The following USH2A variants were observed in gnomAD, a reference collection of about 807,000 sequenced individuals.
USH2A encodes the protein usherin.
In USH2A, 443 loss-of-function variants were observed where a neutral mutation model predicts 538.9. The observed-to-expected ratio is 0.82, with a 90% CI of 0.76 to 0.89. The LOEUF is 0.89. Among genes scored for constraint, USH2A ranks in the 40% least tolerant of loss-of-function variants. The probability of loss-of-function intolerance (pLI) is 0.00; values close to 1 mark genes in which losing one functional copy is unlikely to be tolerated. For synonymous variants in USH2A, 2,413 were observed against 2,273.5 expected (o/e 1.06, Z -1.75); for missense variants, 6,633 against 6,324.8 (o/e 1.05, Z -1.65).
At chr1:215,847,189 G>A (rs975149876) in intron 44 of USH2A, among the ~76,000 whole-genome samples, 1 of 152,038 alleles carries the variant, frequency 6.6e-6, no homozygotes, top group Non-Finnish European at 1.5e-5. Context: ...TCTTTAACAA[G>A]AGAACATGAA....
intron 21 of USH2A, among the ~76,000 whole-genome samples, chr1:216,167,952 A>G (rs2034203303): frequency 6.6e-6 from 1 of 152,158 alleles, no homozygotes; most frequent in Non-Finnish European, 1.5e-5. Flanking sequence ...TGGCATTTTG[A>G]CAATGATGTT....
At chr1:216,069,743 C>T (rs1438864853) in intron 30 of USH2A, among the ~76,000 whole-genome samples, 2 of 152,140 alleles carry the variant, frequency 1.3e-5, no homozygotes, top group African/African-American at 4.8e-5. Context: ...TGAACTGGGG[C>T]TAGTCCCAAA....
chr1:215,750,328 T>C (rs968837145), intron 58 of USH2A, among the ~76,000 whole-genome samples: 2 of 152,162 alleles, frequency 1.3e-5, no homozygotes, highest in African/African-American at 2.4e-5. Flanking sequence ...ATGTCTTTTC[T>C]ACCTTACTAG....
intron 47 of USH2A, among the ~76,000 whole-genome samples, chr1:215,828,882 A>G (rs1571725849): frequency 1.3e-5 from 2 of 152,292 alleles, no homozygotes; most frequent in Admixed American, 6.5e-5. Context: ...ACTTCATAGC[A>G]CAGTACCTAG....
chr1:215,638,716 T>C (rs946644690), intron 69 of USH2A, among the ~76,000 whole-genome samples: 17 of 151,150 alleles, frequency 1.1e-4, no homozygotes, highest in Non-Finnish European at 1.9e-4. Context: ...CAGTGGCTCA[T>C]GCCTGTAATC....
chr1:215,667,564 G>A (rs1657669263), intron 64 of USH2A, among the ~76,000 whole-genome samples: 1 of 152,046 alleles, frequency 6.6e-6, no homozygotes, highest in South Asian at 2.1e-4. Flanking sequence ...GCCACGCATG[G>A]TGGCGGGCGC....
chr1:216,191,935 G>A (rs540369720), intron 19 of USH2A, among the ~76,000 whole-genome samples: 1 of 152,038 alleles, frequency 6.6e-6, no homozygotes, highest in African/African-American at 2.4e-5. Context: ...CTTCTTTACA[G>A]ATGATTATTA....
intron 21 of USH2A, among the ~76,000 whole-genome samples, chr1:216,126,245 A>G (rs908156292): frequency 6.6e-6 from 1 of 151,548 alleles, no homozygotes; most frequent in Admixed American, 6.6e-5. Flanking sequence ...TTTTTTTGAG[A>G]TGAGGTCTTG....
intron 62 of USH2A, among the ~76,000 whole-genome samples, chr1:215,676,862 A>G (rs1373084432): frequency 6.6e-6 from 1 of 152,104 alleles, no homozygotes; most frequent in African/African-American, 2.4e-5. Context: ...CTCTATACTC[A>G]AGCTCTGAAA....
chr1:216,095,809 C>T (rs2032428307), intron 22 of USH2A, among the ~76,000 whole-genome samples: 2 of 152,090 alleles, frequency 1.3e-5, no homozygotes, highest in Admixed American at 1.3e-4. Context: ...TCTCTAAGGT[C>T]AATGGATCTC....
chr1:215,857,037 A>G (rs1045925076), intron 44 of USH2A, among the ~76,000 whole-genome samples: 9 of 152,278 alleles, frequency 5.9e-5, no homozygotes, highest in Admixed American at 5.2e-4. Flanking sequence ...AGGCATAAGA[A>G]TGATACAATG....
chr1:215,643,826 G>A (rs1656766992), intron 67 of USH2A, among the ~76,000 whole-genome samples: 1 of 152,058 alleles, frequency 6.6e-6, no homozygotes, highest in South Asian at 2.1e-4. Context: ...CAGTGTGCCT[G>A]GCCACAGGAA....
intron 13 of USH2A, among the ~76,000 whole-genome samples, chr1:216,244,500 G>A (rs1470032418): frequency 2.0e-5 from 3 of 152,112 alleles, no homozygotes; most frequent in Non-Finnish European, 4.4e-5. Context: ...CATAGATTTG[G>A]GTGGGAGAAA....
chr1:215,777,652 C>G (rs1449413549), intron 55 of USH2A, among the ~76,000 whole-genome samples: 2 of 152,180 alleles, frequency 1.3e-5, no homozygotes, highest in Admixed American at 1.3e-4. Flanking sequence ...TCAGTCTTCC[C>G]TGTACGTGAG....
rs554380707 is a variant in USH2A, at chr1:216,290,889, C to T, written c.1840+1286G>A. Among the ~76,000 whole-genome samples, 5 of 147,756 alleles carry T rather than the reference C, an allele frequency of 3.4e-5. No individual in the cohort carries two copies. In the South Asian group the frequency reaches 1.0e-3, roughly 31 times the overall value. ...GTCTTGGCTCTCCTTCCTTCCCTTG[C>T]CTACACTCTGCTCACAAAACACTCA... On this transcript the variant is annotated intron_variant, in intron 10 of 71. Coordinates refer to ENST00000307340, the MANE Select transcript of USH2A (RefSeq NM_206933.4).
intron 60 of USH2A, among the ~76,000 whole-genome samples, chr1:215,733,160 A>G (rs542198354): frequency 7.5e-6 from 1 of 133,060 alleles, no homozygotes; most frequent in South Asian, 2.5e-4. Context: ...GAGCAAGTGC[A>G]TCACGTGCAG....
intron 60 of USH2A, among the ~76,000 whole-genome samples, chr1:215,739,394 C>T (rs1002335949): frequency 6.6e-6 from 1 of 152,186 alleles, no homozygotes; most frequent in African/African-American, 2.4e-5. Context: ...TGTTTTCCCT[C>T]TCTATAGCTG....
chr1:215,957,387 T>C (rs561643450), intron 37 of USH2A, among the ~76,000 whole-genome samples: 1 of 152,162 alleles, frequency 6.6e-6, no homozygotes, highest in Non-Finnish European at 1.5e-5. Flanking sequence ...CTAAAATAAA[T>C]TGTGTGGTTA....
At chr1:216,401,805 G>A (rs2039310711) in intron 3 of USH2A, among the ~76,000 whole-genome samples, 1 of 152,022 alleles carries the variant, frequency 6.6e-6, no homozygotes, top group Non-Finnish European at 1.5e-5. Context: ...CATGAAGCAA[G>A]ACTGATACAG....
Sources: gnomAD v4.1 joint callset for allele counts (sites outside exome capture counted in the v4.1 genomes callset) on GRCh38, gnomAD v4.1.1 for gene constraint, MANE v1.5 for transcripts, NCBI Gene and HGNC (gene_info 2026-07-23, HGNC 2026-07-21) for gene names.